PRPF40B: variants seen among roughly 807,000 people sequenced by gnomAD.
The protein encoded by PRPF40B is pre-mRNA processing factor 40B.
PRPF40B carries 56 observed loss-of-function variants against 124.5 expected under a neutral mutation model. The ratio of observed to expected loss-of-function variants is 0.45; its 90% CI spans 0.36 to 0.56. The LOEUF is 0.56. Ranked by LOEUF, PRPF40B falls within the 20% of genes least tolerant of loss-of-function variation. The probability of loss-of-function intolerance (pLI) is 0.00; values close to 1 mark genes in which losing one functional copy is unlikely to be tolerated. For synonymous variants in PRPF40B, 443 were observed against 426.4 expected (o/e 1.04, Z -0.48); for missense variants, 1,053 against 1,169.5 (o/e 0.90, Z 1.45).
intron 1 of PRPF40B, among the ~76,000 whole-genome samples, chr12:49,625,033 T>G (rs2138372796): frequency 6.6e-6 from 1 of 152,204 alleles, no homozygotes; most frequent in African/African-American, 2.4e-5. Flanking sequence ...AGCTGGTCTC[T>G]CAGCCTTTTT....
At chr12:49,636,593 TC>T in intron 15 of PRPF40B, 122 bp from the exon 16 acceptor site, 1 of 1,382,494 alleles carries the variant, frequency 7.2e-7, no homozygotes, top group Non-Finnish European at 1.0e-6. Context: ...TCCAGGCCCT[TC>T]CCCCACCACC....
Position 49,644,184 on chromosome 12 carries a change from C to G in PRPF40B, c.2671C>G (p.His891Asp), listed in dbSNP as rs1167997885. 1 of 1,614,086 alleles carries G rather than the reference C, an allele frequency of 6.2e-7. No individual in the cohort carries two copies. The highest frequency in any genetic ancestry group is 2.2e-5 in the East Asian group (1 of 44,894). The change falls in exon 26 of 26, where the codon CAC becomes GAC. Residue 891 changes from histidine to aspartate, a missense_variant. Around this residue, in one of 2 missense-constraint regions of PRPF40B, gnomAD observed 895 missense variants for 1,052.2 expected, o/e 0.85. Transcript: ENST00000548825. The part of the protein sequence containing the change: ...RRTLLQQLDD[H>D]Q ...GACACTCCTACAGCAGCTGGATGAT[C>G]ACCAGTGACCCAATGAGCTGTTCTC...
chr12:49,637,495 C>T lies in PRPF40B; in HGVS notation c.1586C>T (p.Thr529Ile), dbSNP rs1363811383. ...FQTFLDELHE[T>I]GQLHSMSTWM... is the part of the protein sequence containing the mutation. ...ACCTTCCTGGACGAGCTGCATGAGA[C>T]AGGGCAGCTGCACTCTATGTCCACC... Residue 529 changes from threonine to isoleucine, a missense_variant, in exon 17 of 26, where the codon ACA (threonine) becomes ATA (isoleucine). By Grantham distance (89) the Thr-to-Ile change is moderately conservative. Coordinates refer to ENST00000548825, the MANE Select transcript of PRPF40B (RefSeq NM_001031698.3). 3 of 1,613,684 alleles carry T rather than the reference C, an allele frequency of 1.9e-6. No homozygotes were observed. Among genetic ancestry groups the T allele is most frequent in the Non-Finnish European group, 2.5e-6 (3 of 1,179,968 alleles).
At chr12:49,634,854 G>A in intron 12 of PRPF40B, 1 of 633,512 alleles carries the variant, frequency 1.6e-6, no homozygotes, top group Non-Finnish European at 2.7e-6. Context: ...GGGAATGAGG[G>A]TGCTGGATAG....
intron 7 of PRPF40B, 134 bp from the exon 8 acceptor site, chr12:49,633,293 C>T (rs1366636443): frequency 5.8e-6 from 8 of 1,378,564 alleles, no homozygotes; most frequent in Non-Finnish European, 7.0e-6. Context: ...AGAAGTCCAC[C>T]TTCCCCAGTT....
At chr12:49,632,478 A>T in intron 4 of PRPF40B, 118 bp from the exon 5 acceptor site, 2 of 1,098,990 alleles carry the variant, frequency 1.8e-6, no homozygotes, top group South Asian at 3.1e-5. Context: ...GGGAGCAGAG[A>T]TCTCTAGGAG....
At chr12:49,632,936 A>C in intron 6 of PRPF40B, 56 bp downstream of exon 6, 1 of 1,611,464 alleles carries the variant, frequency 6.2e-7, no homozygotes, top group Non-Finnish European at 8.5e-7. Flanking sequence ...TGGGGGACTG[A>C]TAGTTAAATC....
chr12:49,624,826 C>G (rs1247998807), intron 1 of PRPF40B, among the ~76,000 whole-genome samples: 2 of 136,712 alleles, frequency 1.5e-5, no homozygotes, highest in Non-Finnish European at 1.5e-5. Context: ...GTCTGGGCAA[C>G]AAGAGCGAAG....
rs772097838 is a variant in PRPF40B at position 49,631,419 on chromosome 12, C to T, written c.103C>T (p.Pro35Ser). ...PPPFMPPPGI[P>S]PPFPPMGLPP... is the part of the protein sequence containing the mutation. ...TTTCCAGATGCCCCCTCCAGGGATC[C>T]CCCCACCCTTTCCTCCGATGGGGCT... is the stretch of plus-strand genomic sequence containing the variant. The change falls in exon 3 of 26, where the codon CCC becomes TCC. Residue 35 changes from proline (P) to serine (S), a missense_variant. Coordinates refer to ENST00000548825, the MANE Select transcript of PRPF40B (RefSeq NM_001031698.3). The surrounding 1 kb of genome is among the most constrained non-coding windows in gnomAD (Gnocchi z 4.3). 7 of 1,453,962 alleles carry T rather than the reference C, an allele frequency of 4.8e-6. No homozygotes were observed. The Admixed American group carries it at 1.0e-4, about 21-fold the overall frequency. The allele number at this position is 1,453,962 out of a possible 1,614,324, so 90.1% of individuals were successfully genotyped here.
At position 49,632,596 on chromosome 12, in the gene PRPF40B, A is replaced by C. The variant is rs762507440; in HGVS notation, c.295A>C (p.Thr99Pro). 6.2e-7 allele frequency: 1 copy of C among 1,613,572 alleles called. No individual in the cohort carries two copies. The highest frequency in any genetic ancestry group is 1.7e-5 in the Admixed American group (1 of 59,958). ...LMPAVPVTAA[T>P]APGADTASSA... Reference sequence around the variant, plus strand: ...CTTCCCCCTCCTCTTTCTTCGGCAGACGGCTCCGGGTGCGGACACCGCCAG... The same window carrying C: ...CTTCCCCCTCCTCTTTCTTCGGCAGCCGGCTCCGGGTGCGGACACCGCCAG... Residue 99 changes from threonine to proline, a missense_variant and splice_region_variant, in exon 5 of 26, where the codon ACG (threonine) becomes CCG (proline). This residue lies in a region of PRPF40B where 895 missense variants were observed against 1,052.2 expected (regional missense o/e 0.85). Transcript: ENST00000548825.
chr12:49,643,479 T>C (rs186484553), intron 23 of PRPF40B, 82 bp downstream of exon 23: 1 of 1,491,356 alleles, frequency 6.7e-7, no homozygotes, highest in East Asian at 2.3e-5. Flanking sequence ...CCAGCTCCTT[T>C]GAGGGTAGAC....
At position 49,631,965 on chromosome 12, in the gene PRPF40B, C is replaced by A. The variant is rs1592582828; in HGVS notation, c.294+40C>A. On this transcript the variant is annotated intron_variant, in intron 4 of 25. Coordinates refer to ENST00000548825, the MANE Select transcript of PRPF40B (RefSeq NM_001031698.3). The surrounding 1 kb of genome is among the most constrained non-coding windows in gnomAD (Gnocchi z 4.3). ...CCAGCAGGTAGCAGGCTCTGCCCTGCAGTCCCGTGAGTCTGACTTGGAATG... is the reference window on the plus strand; with the variant it reads ...CCAGCAGGTAGCAGGCTCTGCCCTGAAGTCCCGTGAGTCTGACTTGGAATG... 3 of 1,582,680 alleles carry A rather than the reference C, an allele frequency of 1.9e-6. No individual in the cohort carries two copies. The East Asian group carries it at 6.7e-5, about 35-fold the overall frequency.
chr12:49,640,211 G>C (rs928469611), intron 18 of PRPF40B: 4 of 152,220 alleles, frequency 2.6e-5, no homozygotes, highest in African/African-American at 9.7e-5. Context: ...GACAGATCCG[G>C]GTCAGGGAGA....
In PRPF40B at chr12:49,633,562, G is replaced by A. The variant is rs7980832; in HGVS notation, c.580+15G>A. Reference sequence around the variant, plus strand: ...TGACCTAGAGGGTGAGATGTCCTACGGGTGGGCCAGGTCAGGAGCTCTGGG... The same window carrying A: ...TGACCTAGAGGGTGAGATGTCCTACAGGTGGGCCAGGTCAGGAGCTCTGGG... On this transcript the variant is annotated intron_variant, in intron 8 of 25. Coordinates refer to ENST00000548825, the MANE Select transcript of PRPF40B (RefSeq NM_001031698.3). The A allele has an allele frequency of 0.01, 16,507 of 1,614,220 alleles. 105 individuals carry two copies. Among genetic ancestry groups the A allele is most frequent in the Non-Finnish European group, 0.012 (14,723 of 1,180,032 alleles).
rs939213787 is a variant in PRPF40B at position 49,632,899 on chromosome 12, G to A, written c.348+19G>A. ...CCCTCCGGTGAGTTCTTCCAGCTCAGGGGTCTCTGGGTAGAAAGCCTGAGA... is the reference window on the plus strand; with the variant it reads ...CCCTCCGGTGAGTTCTTCCAGCTCAAGGGTCTCTGGGTAGAAAGCCTGAGA... On this transcript the variant is annotated intron_variant, in intron 6 of 25. Coordinates refer to ENST00000548825, the MANE Select transcript of PRPF40B (RefSeq NM_001031698.3). The A allele has an allele frequency of 1.2e-6, 2 of 1,613,590 alleles. No individual in the cohort carries two copies. Among genetic ancestry groups the A allele is most frequent in the Non-Finnish European group, 1.7e-6 (2 of 1,180,000 alleles).
chr12:49,644,065 C>CA (rs1943029368), intron 25 of PRPF40B, 35 bp from the exon 26 acceptor site: 1 of 1,613,788 alleles, frequency 6.2e-7, no homozygotes, highest in Admixed American at 1.7e-5. Flanking sequence ...GCCCTTAGTG[C>CA]AGGCTAAGGG....
At chr12:49,641,820 C>A (rs1942697459) in intron 18 of PRPF40B, 88 bp from the exon 19 acceptor site, 1 of 1,108,218 alleles carries the variant, frequency 9.0e-7, no homozygotes, top group Non-Finnish European at 1.4e-6. Context: ...CAAGGGCCTT[C>A]TTGACCATCT....
intron 1 of PRPF40B, among the ~76,000 whole-genome samples, chr12:49,628,544 C>T (rs1013842063): frequency 6.6e-6 from 1 of 151,226 alleles, no homozygotes; most frequent in Non-Finnish European, 1.5e-5. Context: ...CGTGAACCAC[C>T]GCACCAGGCC....
Position 49,635,306 on chromosome 12 carries a change from C to A in PRPF40B, c.1166+43C>A. 1.2e-6 allele frequency: 2 copies of A among 1,608,762 alleles called. No homozygotes were observed. The highest frequency in any genetic ancestry group is 3.3e-4 in the Middle Eastern group (2 of 6,024). ...GGCTGGGACTTGGGAACCCTGAGAA[C>A]ACAAAGGTCCAGGGTCTCTGTTCTC... On this transcript the variant is annotated intron_variant, in intron 13 of 25. Transcript: ENST00000548825. The surrounding 1 kb of genome is among the most constrained non-coding windows in gnomAD (Gnocchi z 4.1).
Sources: gnomAD v4.1 joint callset for allele counts (sites outside exome capture counted in the v4.1 genomes callset) on GRCh38, gnomAD v4.1.1 for gene constraint, gnomAD v4.1.1 regional missense constraint, Gnocchi (gnomAD v3.1) non-coding constraint, MANE v1.5 for transcripts, NCBI Gene and HGNC (gene_info 2026-07-23, HGNC 2026-07-21) for gene names.